ANK2: variants seen among roughly 807,000 people sequenced by gnomAD.
ANK2 encodes ankyrin 2.
In ANK2, 83 loss-of-function variants were observed where a neutral mutation model predicts 360.5. The observed-to-expected ratio is 0.23, with a 90% confidence interval of 0.19 to 0.28. The LOEUF is 0.28. Ranked by LOEUF, ANK2 falls within the 10% of genes least tolerant of loss-of-function variation. The probability of loss-of-function intolerance (pLI) is 1.00; values close to 1 mark genes in which losing one functional copy is unlikely to be tolerated. For missense variants in ANK2, 4,201 were observed against 4,795.7 expected (o/e 0.88, Z 3.66); for synonymous variants, 1,740 against 1,759.5 (o/e 0.99, Z 0.28).
intron 1 of ANK2, among the ~76,000 whole-genome samples, chr4:112,870,244 T>A (rs1022007508): frequency 6.6e-6 from 1 of 152,136 alleles, no homozygotes; most frequent in Non-Finnish European, 1.5e-5. Context: ...TCAGCCTACT[T>A]CGGCCTCCCA....
chr4:112,885,806 A>G (rs932097656), intron 1 of ANK2, among the ~76,000 whole-genome samples: 20 of 150,918 alleles, frequency 1.3e-4, no homozygotes, highest in Non-Finnish European at 4.4e-5. Context: ...CAAAAAAAAA[A>G]AAAAAAAAAA....
chr4:113,356,918 A>C lies in ANK2; in HGVS notation c.8300A>C (p.Asp2767Ala). 1.2e-6 allele frequency: 2 copies of C among 1,614,090 alleles called. No individual in the cohort carries two copies. Among genetic ancestry groups the C allele is most frequent in the Non-Finnish European group, 1.7e-6 (2 of 1,179,986 alleles). The change falls in exon 38 of 46, where the codon GAT (aspartate) becomes GCT (alanine). Residue 2767 changes from aspartate to alanine, a missense_variant. Physicochemically the swap from Asp to Ala is moderately radical, Grantham distance 126. Around this residue, in one of 4 missense-constraint regions of ANK2, gnomAD observed 2,642 missense variants for 2,714.5 expected, o/e 0.97. Coordinates refer to ENST00000357077, the MANE Select transcript of ANK2 (RefSeq NM_001148.6). ...TATGATAAGCTAAACAGAGACACTGATCAGCCAAAAATCTGTGATGGCCAT... is the reference window on the plus strand; with the variant it reads ...TATGATAAGCTAAACAGAGACACTGCTCAGCCAAAAATCTGTGATGGCCAT... ...RSYDKLNRDTDQPKICDGHGC... is the reference protein window; with the variant it reads ...RSYDKLNRDTAQPKICDGHGC...
intron 1 of ANK2, among the ~76,000 whole-genome samples, chr4:112,847,418 A>T (rs1025389218): frequency 5.9e-5 from 9 of 152,168 alleles, no homozygotes; most frequent in African/African-American, 2.2e-4. Context: ...ACCGAGTTCT[A>T]TTTAATGCTT....
intron 2 of ANK2, among the ~76,000 whole-genome samples, chr4:112,921,237 C>CTGG (rs1398039050): frequency 6.6e-6 from 1 of 151,820 alleles, no homozygotes; most frequent in African/African-American, 2.4e-5. Context: ...GTTACCCAGG[C>CTGG]TGGTCTTGAA....
At chr4:113,341,515 T>G (rs1455870633) in intron 32 of ANK2, among the ~76,000 whole-genome samples, 173 bp from the exon 33 acceptor site, 2 of 152,198 alleles carry the variant, frequency 1.3e-5, no homozygotes, top group Non-Finnish European at 2.9e-5. Flanking sequence ...ACCTTTCCTT[T>G]TGTTCCTGTC....
intron 1 of ANK2, among the ~76,000 whole-genome samples, chr4:113,142,659 G>C (rs1380100719): frequency 6.6e-6 from 1 of 151,958 alleles, no homozygotes; most frequent in East Asian, 1.9e-4. Flanking sequence ...TAGGAGTATG[G>C]ATATTATATT....
At chr4:113,144,373 C>T (rs1432670298) in intron 1 of ANK2, among the ~76,000 whole-genome samples, 2 of 151,712 alleles carry the variant, frequency 1.3e-5, no homozygotes, top group East Asian at 3.9e-4. Flanking sequence ...GATTTGTGAA[C>T]TCAAATCTGA....
At chr4:112,719,560 C>T in the ANK2 span, among the ~76,000 whole-genome samples, 17 of 151,934 alleles carry the variant, frequency 1.1e-4, no homozygotes, top group Non-Finnish European at 2.2e-4. Context: ...AACCCCGCCT[C>T]TACTAAATAT....
intron 1 of ANK2, among the ~76,000 whole-genome samples, chr4:112,875,006 A>G (rs1033015228): frequency 6.6e-6 from 1 of 151,046 alleles, no homozygotes; most frequent in African/African-American, 2.4e-5. Flanking sequence ...AATGAAGGCC[A>G]TTCTGAGAAA....
At chr4:113,042,013 G>A (rs1040894699) in intron 2 of ANK2, among the ~76,000 whole-genome samples, 2 of 152,098 alleles carry the variant, frequency 1.3e-5, no homozygotes, top group African/African-American at 2.4e-5. Flanking sequence ...CCAGATAGCT[G>A]GTAAAACATG....
chr4:112,993,074 T>G (rs1352826459), intron 2 of ANK2, among the ~76,000 whole-genome samples: 5 of 151,832 alleles, frequency 3.3e-5, no homozygotes, highest in African/African-American at 1.2e-4. Context: ...CTTGAGCCCA[T>G]GAATTCGAGA....
At position 112,952,493 on chromosome 4, in the gene ANK2, G is replaced by A. The variant is rs569598768; in HGVS notation, c.21+47979G>A. On this transcript the variant is annotated intron_variant, in intron 2 of 30. Coordinates refer to the ANK2 transcript ENST00000503271. ...TCTTTATTGTTCTGGGGAAGCTGCA[G>A]AGCCATGAAAGAGACCATTCTTTGA... is the stretch of plus-strand genomic sequence containing the variant. Among the ~76,000 whole-genome samples, 6 of 152,274 alleles carry A rather than the reference G, an allele frequency of 3.9e-5. No individual in the cohort carries two copies. The South Asian group carries it at 1.2e-3, about 32-fold the overall frequency.
intron 1 of ANK2, among the ~76,000 whole-genome samples, chr4:113,145,171 A>G (rs547302105): frequency 3.3e-5 from 5 of 152,126 alleles, no homozygotes. Flanking sequence ...AAAAACCAAA[A>G]CTTCTATACC....
In ANK2 at chr4:113,249,793, A is replaced by G. The variant is rs1586090494; in HGVS notation, c.921A>G (p.Ala307=). Reference sequence around the variant, plus strand: ...GGTTGACACCACTTCACTGTGCTGCACGAAGTGGGCATGACCAAGTGGTGG... The same window carrying G: ...GGTTGACACCACTTCACTGTGCTGCGCGAAGTGGGCATGACCAAGTGGTGG... ...RDGLTPLHCA[A]RSGHDQVVEL... Residue 307 remains alanine, a synonymous_variant, in exon 10 of 46, where the codon GCA becomes GCG. Transcript: ENST00000357077. 7 of 1,614,074 alleles carry G rather than the reference A, an allele frequency of 4.3e-6. No homozygotes were observed. The highest frequency in any genetic ancestry group is 5.9e-6 in the Non-Finnish European group (7 of 1,180,042).
intron 2 of ANK2, among the ~76,000 whole-genome samples, chr4:112,957,838 C>G (rs1452259298): frequency 6.7e-6 from 1 of 148,584 alleles, no homozygotes; most frequent in Non-Finnish European, 1.5e-5. Context: ...ACTTCTCAGA[C>G]GGGGCGGTTG....
chr4:112,937,805 AT>A (rs766840415), intron 2 of ANK2, among the ~76,000 whole-genome samples: 5 of 152,228 alleles, frequency 3.3e-5, no homozygotes, highest in Admixed American at 6.5e-5. Context: ...CAAATAGCTC[AT>A]GTAATGGATA....
intron 1 of ANK2, among the ~76,000 whole-genome samples, chr4:113,086,376 G>C (rs2084768553): frequency 6.6e-6 from 1 of 152,164 alleles, no homozygotes; most frequent in Admixed American, 6.5e-5. Context: ...TCCCATTTAT[G>C]TTCTAGTCTT....
At chr4:112,879,348 T>C (rs1377563589) in intron 1 of ANK2, among the ~76,000 whole-genome samples, 4 of 152,288 alleles carry the variant, frequency 2.6e-5, no homozygotes, top group Middle Eastern at 3.4e-3. Flanking sequence ...GCTGCCGTGG[T>C]GTATGACCTG....
Position 113,355,222 on chromosome 4 carries a change from T to C in ANK2, c.6604T>C (p.Ser2202Pro). The C allele has an allele frequency of 6.2e-7, 1 of 1,614,064 alleles. No individual in the cohort carries two copies. Among genetic ancestry groups the C allele is most frequent in the Non-Finnish European group, 8.5e-7 (1 of 1,179,964 alleles). The change falls in exon 38 of 46, where the codon TCT (serine) becomes CCT (proline). Residue 2202 changes from serine (S) to proline (P), a missense_variant. Transcript: ENST00000357077. ...ACAAAGCGGTGCTTTAGATGGCAGTTCTGAAAGCCTAAAGAATGAGGGGGT... is the reference window on the plus strand; with the variant it reads ...ACAAAGCGGTGCTTTAGATGGCAGTCCTGAAAGCCTAAAGAATGAGGGGGT... ...SLQSGALDGS[S>P]ESLKNEGVAG... is the part of the protein sequence containing the mutation.
Sources: allele counts gnomAD v4.1 joint callset (sites outside exome capture counted in the v4.1 genomes callset), GRCh38; gene constraint gnomAD v4.1.1; regional missense constraint gnomAD v4.1.1; transcripts MANE v1.5; gene names NCBI Gene and HGNC (gene_info 2026-07-23, HGNC 2026-07-21).